The following PTPRT variants were observed in gnomAD, a reference collection of about 807,000 sequenced individuals.
PTPRT encodes protein tyrosine phosphatase receptor type T, also known as receptor-type tyrosine-protein phosphatase T.
A neutral mutation model predicts 176.8 loss-of-function variants in PTPRT; 56 were observed. The ratio of observed to expected loss-of-function variants is 0.32; its 90% CI spans 0.26 to 0.40. PTPRT has a LOEUF of 0.40. Ranked by LOEUF, PTPRT falls within the 10% of genes least tolerant of loss-of-function variation. PTPRT has a pLI of 1.00. For synonymous variants in PTPRT, 783 were observed against 739.0 expected (o/e 1.06, Z -0.96); for missense variants, 1,540 against 1,908.2 (o/e 0.81, Z 3.60).
At chr20:42,130,681 G>A (rs1043905194) in intron 18 of PTPRT, among the ~76,000 whole-genome samples, 3 of 152,198 alleles carry the variant, frequency 2.0e-5, no homozygotes, top group African/African-American at 7.2e-5. Flanking sequence ...TATCTGCCAT[G>A]TGGCAGGCAG....
intron 4 of PTPRT, among the ~76,000 whole-genome samples, chr20:42,776,770 T>TA (rs2077142683): frequency 6.8e-6 from 1 of 148,080 alleles, no homozygotes; most frequent in African/African-American, 2.5e-5. Flanking sequence ...GTATATATGA[T>TA]ATATAAATGT....
At chr20:42,827,833 C>T (rs571413932) in intron 2 of PTPRT, among the ~76,000 whole-genome samples, 3 of 152,242 alleles carry the variant, frequency 2.0e-5, no homozygotes, top group African/African-American at 7.2e-5. Context: ...TGTTTGCTTC[C>T]CCTTCCGCCA....
At chr20:42,196,159 A>G (rs1172244692) in intron 16 of PTPRT, among the ~76,000 whole-genome samples, 1 of 152,198 alleles carries the variant, frequency 6.6e-6, no homozygotes, top group East Asian at 1.9e-4. Flanking sequence ...TACAAATGGA[A>G]AAAAGTGCAC....
At chr20:42,314,197 T>C (rs909491713) in intron 12 of PTPRT, among the ~76,000 whole-genome samples, 1 of 152,048 alleles carries the variant, frequency 6.6e-6, no homozygotes, top group African/African-American at 2.4e-5. Flanking sequence ...ATATGAACTG[T>C]AGGGCTTAGC....
chr20:43,173,031 C>A (rs1405513338), intron 1 of PTPRT, among the ~76,000 whole-genome samples: 1 of 152,104 alleles, frequency 6.6e-6, no homozygotes, highest in African/African-American at 2.4e-5. Flanking sequence ...CGCCACCAGA[C>A]ACGGCTAATT....
chr20:42,973,502 T>C (rs1351728553), intron 1 of PTPRT, among the ~76,000 whole-genome samples: 1 of 152,168 alleles, frequency 6.6e-6, no homozygotes, highest in East Asian at 1.9e-4. Context: ...TTCTCCTCCC[T>C]GTAGATTATC....
chr20:42,342,917 A>G (rs2058133025), intron 11 of PTPRT, among the ~76,000 whole-genome samples: 1 of 152,196 alleles, frequency 6.6e-6, no homozygotes, highest in African/African-American at 2.4e-5. Context: ...CTATGGTCTT[A>G]ACTAACTGCA....
chr20:42,301,118 T>C (rs1165049050), intron 12 of PTPRT, among the ~76,000 whole-genome samples: 3 of 152,230 alleles, frequency 2.0e-5, no homozygotes, highest in African/African-American at 4.8e-5. Context: ...AAAACACTTA[T>C]ATATTACAAA....
In PTPRT at chr20:43,009,909, GC is replaced by G. The variant is rs568524839; in HGVS notation, c.89-123978del. Reference sequence around the variant, plus strand: ...AGCTGGCTGCAGAGCTGCATTTCCAGCTGCCTGATAGATTTCACCAATCTGC... The same window carrying G: ...AGCTGGCTGCAGAGCTGCATTTCCAGTGCCTGATAGATTTCACCAATCTGC... On this transcript the variant is annotated intron_variant, in intron 1 of 30. Coordinates refer to ENST00000373187, the MANE Select transcript of PTPRT (RefSeq NM_007050.6). Among the ~76,000 whole-genome samples the G allele has an allele frequency of 2.6e-5, 4 of 152,262 alleles. No individual in the cohort carries two copies. In the South Asian group the frequency reaches 8.3e-4, roughly 32 times the overall value.
At chr20:42,467,542 A>T (rs2071120792) in intron 8 of PTPRT, among the ~76,000 whole-genome samples, 1 of 152,268 alleles carries the variant, frequency 6.6e-6, no homozygotes, top group Non-Finnish European at 1.5e-5. Context: ...TTTAAAATTA[A>T]TGCAAAATTT....
intron 11 of PTPRT, 69 bp downstream of exon 11, chr20:42,350,559 G>T: frequency 2.4e-6 from 3 of 1,271,158 alleles, no homozygotes; most frequent in African/African-American, 1.5e-5. Flanking sequence ...CCAGTCACAT[G>T]ATTCAACTGG....
rs184504827 is a variant in PTPRT, at chr20:42,742,105, G to A, written c.859+14357C>T. 3.6e-3 allele frequency among the ~76,000 whole-genome samples: 551 copies of A among 152,256 alleles called. 5 individuals are homozygous for A. The highest frequency in any genetic ancestry group is 0.013 in the African/African-American group (520 of 41,556). The stretch of plus-strand genomic sequence containing the variant: ...GCAGATGTGCTCAGGGAGAAGGAGC[G>A]CCTTTCAGACAATTGAATCCCAATA... On this transcript the variant is annotated intron_variant, in intron 6 of 30. Coordinates refer to ENST00000373187, the MANE Select transcript of PTPRT (RefSeq NM_007050.6).
At chr20:43,103,961 T>G (rs975405205) in intron 1 of PTPRT, among the ~76,000 whole-genome samples, 1 of 152,180 alleles carries the variant, frequency 6.6e-6, no homozygotes, top group African/African-American at 2.4e-5. Flanking sequence ...AAGTAATGCA[T>G]GGAGAGCAGA....
chr20:42,560,102 T>C (rs1417270957), intron 7 of PTPRT, among the ~76,000 whole-genome samples: 1 of 152,204 alleles, frequency 6.6e-6, no homozygotes, highest in Non-Finnish European at 1.5e-5. Flanking sequence ...TCCTGTTGTC[T>C]GAGGAGGACC....
At chr20:42,081,531 A>T (rs1983329370) in intron 30 of PTPRT, among the ~76,000 whole-genome samples, 1 of 152,240 alleles carries the variant, frequency 6.6e-6, no homozygotes, top group African/African-American at 2.4e-5. Flanking sequence ...AAAAATTACC[A>T]TAAATTAATT....
At chr20:42,571,256 A>G (rs1313349342) in intron 7 of PTPRT, among the ~76,000 whole-genome samples, 1 of 152,224 alleles carries the variant, frequency 6.6e-6, no homozygotes, top group Non-Finnish European at 1.5e-5. Context: ...TGAATCATGT[A>G]CACTTATTTG....
intron 4 of PTPRT, among the ~76,000 whole-genome samples, chr20:42,775,258 A>G (rs1215516862): frequency 6.6e-6 from 1 of 152,212 alleles, no homozygotes; most frequent in Non-Finnish European, 1.5e-5. Flanking sequence ...AAGACATATT[A>G]TTGTGCCCTT....
At chr20:42,685,068 G>A (rs1324915855) in intron 6 of PTPRT, among the ~76,000 whole-genome samples, 1 of 152,116 alleles carries the variant, frequency 6.6e-6, no homozygotes. Context: ...AACATGCCCG[G>A]GGTCTGCACT....
intron 7 of PTPRT, among the ~76,000 whole-genome samples, chr20:42,637,197 C>G (rs1360299647): frequency 1.3e-5 from 2 of 152,174 alleles, no homozygotes; most frequent in African/African-American, 4.8e-5. Flanking sequence ...TCTGACACTG[C>G]TGGTCAGGGA....
Sources: allele counts gnomAD v4.1 joint callset (sites outside exome capture counted in the v4.1 genomes callset), GRCh38; gene constraint gnomAD v4.1.1; transcripts MANE v1.5; gene names NCBI Gene and HGNC (gene_info 2026-07-23, HGNC 2026-07-21).